Variants in MAD1L1 observed in about 807,000 individuals in gnomAD.
The protein encoded by MAD1L1 is mitotic arrest deficient 1 like 1, also known as mitotic spindle assembly checkpoint protein MAD1.
In MAD1L1, 95 loss-of-function variants were observed where a neutral mutation model predicts 96.9. The observed-to-expected ratio is 0.98, with a 90% CI of 0.83 to 1.16. The LOEUF is 1.16. Among genes scored for constraint, MAD1L1 ranks in the 50% most tolerant of loss-of-function variants. The pLI is 0.00. For synonymous variants in MAD1L1, 473 were observed against 396.6 expected, an observed-to-expected ratio of 1.19 and a Z score of -2.29; for missense variants, 1,007 against 954.4, an observed-to-expected ratio of 1.06 and a Z score of -0.73.
chr7:1,892,212 T>C (rs1786588271), intron 18 of MAD1L1, among the ~76,000 whole-genome samples: 2 of 152,222 alleles, frequency 1.3e-5, no homozygotes, highest in South Asian at 2.1e-4. Flanking sequence ...CTTTTGCAGC[T>C]TGGCAGCAGC....
At chr7:1,914,794 T>TA (rs58014395) in intron 17 of MAD1L1, among the ~76,000 whole-genome samples, 11 of 151,772 alleles carry the variant, frequency 7.2e-5, no homozygotes, top group South Asian at 2.1e-4. Flanking sequence ...TTATTATTAT[T>TA]TTTATAAATA....
rs1339545031 is a variant in MAD1L1 at position 2,222,621 on chromosome 7, C to T, written c.425G>A (p.Ser142Asn). The T allele has an allele frequency of 1.9e-6, 3 of 1,612,888 alleles. No homozygotes were observed. In the East Asian group the frequency reaches 6.7e-5, roughly 36 times the overall value. Residue 142 changes from serine to asparagine, a missense_variant, in exon 5 of 19, where the codon AGC becomes AAC. Transcript: ENST00000265854. ...GTCCTCTTTCTCACGCAGCCTCTTGCTGGCAGCATCCAAGTTCTGCTGACA... is the reference window on the plus strand; with the variant it reads ...GTCCTCTTTCTCACGCAGCCTCTTGTTGGCAGCATCCAAGTTCTGCTGACA... Reference protein sequence around the residue: ...RQCQQNLDAASKRLREKEDSL... With the variant: ...RQCQQNLDAANKRLREKEDSL...
intron 10 of MAD1L1, among the ~76,000 whole-genome samples, chr7:2,162,272 T>C (rs1408419504): frequency 3.2e-4 from 48 of 148,074 alleles, no homozygotes; most frequent in South Asian, 8.6e-4. Flanking sequence ...GGGATGCTGT[T>C]AATCTATAAC....
In MAD1L1 at chr7:1,936,676, G is replaced by C; in HGVS notation, c.1807+11C>G. The stretch of plus-strand genomic sequence containing the variant: ...CGAGGATGGCAGGGACCGGGGGTGG[G>C]GGGTGCCTACCTGCCACCTCCTTGG... On this transcript the variant is annotated intron_variant, in intron 17 of 18. Transcript: ENST00000265854. 5 of 1,546,938 alleles carry C rather than the reference G, an allele frequency of 3.2e-6. No homozygotes were observed. Among genetic ancestry groups the C allele is most frequent in the Non-Finnish European group, 4.4e-6 (5 of 1,147,194 alleles).
chr7:1,954,514 G>A (rs1779638539), intron 16 of MAD1L1, among the ~76,000 whole-genome samples: 1 of 152,160 alleles, frequency 6.6e-6, no homozygotes, highest in Non-Finnish European at 1.5e-5. Flanking sequence ...TGGGGACAGG[G>A]GTGGGGCAGG....
chr7:2,006,497 C>T (rs1782035437), intron 13 of MAD1L1, among the ~76,000 whole-genome samples: 2 of 152,138 alleles, frequency 1.3e-5, no homozygotes, highest in Admixed American at 1.3e-4. Context: ...GTTCCAAGAA[C>T]ACAGCTAAAG....
At chr7:2,168,091 C>G (rs1001734731) in intron 10 of MAD1L1, among the ~76,000 whole-genome samples, 4 of 152,148 alleles carry the variant, frequency 2.6e-5, no homozygotes. Context: ...TCAAGAACAG[C>G]CTGGCCAACA....
intron 18 of MAD1L1, among the ~76,000 whole-genome samples, chr7:1,868,298 G>C (rs1308298906): frequency 5.9e-5 from 9 of 152,214 alleles, no homozygotes; most frequent in Non-Finnish European, 2.9e-5. Context: ...TTGGCTCTGA[G>C]ATTTCAAGTC....
intron 17 of MAD1L1, among the ~76,000 whole-genome samples, chr7:1,923,810 A>AC (rs1208640303): frequency 6.6e-6 from 1 of 152,158 alleles, no homozygotes; most frequent in Admixed American, 6.5e-5. Flanking sequence ...TGGGGCTCTG[A>AC]CCCTAATCAG....
intron 3 of MAD1L1, among the ~76,000 whole-genome samples, chr7:2,227,339 G>A (rs1031551094): frequency 9.2e-5 from 14 of 152,256 alleles, no homozygotes; most frequent in South Asian, 4.1e-4. Flanking sequence ...TTCTCAGGGC[G>A]TTCACATGCA....
chr7:1,835,256 A>C (rs1782887557), intron 18 of MAD1L1, among the ~76,000 whole-genome samples: 1 of 152,236 alleles, frequency 6.6e-6, no homozygotes, highest in South Asian at 2.1e-4. Context: ...GATCTGAAAC[A>C]GGACAAGGAT....
intron 12 of MAD1L1, among the ~76,000 whole-genome samples, chr7:2,028,034 TACATTATTATTCAAAGCACAA>T (rs1219738593): frequency 1.3e-5 from 2 of 152,250 alleles, no homozygotes; most frequent in Non-Finnish European, 1.5e-5. Context: ...ATTAGATTTC[TACATTATTATTCAAAGCACAA>T]ACATTATTAT....
intron 10 of MAD1L1, among the ~76,000 whole-genome samples, chr7:2,194,620 A>G (rs530194492): frequency 4.6e-5 from 7 of 152,320 alleles, no homozygotes; most frequent in African/African-American, 1.7e-4. Flanking sequence ...TACAAAGTAA[A>G]TATTTACTAT....
At chr7:1,873,375 G>C (rs564716322) in intron 18 of MAD1L1, among the ~76,000 whole-genome samples, 102 of 152,202 alleles carry the variant, frequency 6.7e-4, no homozygotes, top group Non-Finnish European at 1.3e-3. Context: ...CAGGGGCAGG[G>C]CTCTGGGAGG....
intron 18 of MAD1L1, among the ~76,000 whole-genome samples, chr7:1,836,207 A>G (rs553554247): frequency 6.6e-6 from 1 of 151,854 alleles, no homozygotes; most frequent in Non-Finnish European, 1.5e-5. Context: ...TTTTTAGTAG[A>G]GATGGGGTTT....
intron 17 of MAD1L1, among the ~76,000 whole-genome samples, chr7:1,908,465 T>C (rs1787812244): frequency 6.6e-6 from 1 of 152,158 alleles, no homozygotes; most frequent in Admixed American, 6.5e-5. Context: ...CACTGTAGCC[T>C]CGAACTCCGG....
At chr7:1,819,773 C>G (rs1323367432) in intron 18 of MAD1L1, among the ~76,000 whole-genome samples, 1 of 151,962 alleles carries the variant, frequency 6.6e-6, no homozygotes, top group African/African-American at 2.4e-5. Context: ...ACTCTCTCCA[C>G]ACACCACTTT....
intron 11 of MAD1L1, among the ~76,000 whole-genome samples, chr7:2,089,846 G>A (rs1786118135): frequency 6.6e-6 from 1 of 152,180 alleles, no homozygotes; most frequent in African/African-American, 2.4e-5. Context: ...CCATCTCGAA[G>A]GCCAGGCTTA....
At chr7:2,134,461 C>A (rs901745206) in intron 11 of MAD1L1, among the ~76,000 whole-genome samples, 3 of 152,166 alleles carry the variant, frequency 2.0e-5, no homozygotes, top group African/African-American at 7.2e-5. Flanking sequence ...TTCCTTTATT[C>A]CCTCTTCTTG....
Sources: allele counts gnomAD v4.1 joint callset (sites outside exome capture counted in the v4.1 genomes callset), GRCh38; gene constraint gnomAD v4.1.1; transcripts MANE v1.5; gene names NCBI Gene and HGNC (gene_info 2026-07-23, HGNC 2026-07-21).